Variants in ERBB4 observed in about 807,000 individuals in gnomAD.
The protein encoded by ERBB4 is receptor tyrosine-protein kinase erbB-4.
In ERBB4, 42 loss-of-function variants were observed where a neutral mutation model predicts 158.0. The ratio of observed to expected loss-of-function variants is 0.27; its 90% CI spans 0.21 to 0.34. The LOEUF is 0.34. Among genes scored for constraint, ERBB4 ranks in the 10% least tolerant of loss-of-function variants. The pLI, the probability that ERBB4 is intolerant of heterozygous loss-of-function variation, is 1.00. For synonymous variants in ERBB4, 583 were observed against 558.7 expected (o/e 1.04, Z -0.61); for missense variants, 1,333 against 1,624.1 (o/e 0.82, Z 3.08).
chr2:212,447,226 T>C (rs534137885), intron 1 of ERBB4, among the ~76,000 whole-genome samples: 56 of 152,172 alleles, frequency 3.7e-4, no homozygotes, highest in African/African-American at 1.2e-3. Context: ...ATCGATCTCC[T>C]GACCTTGTGA....
At chr2:211,684,541 T>C (rs2072486215) in intron 12 of ERBB4, among the ~76,000 whole-genome samples, 2 of 152,188 alleles carry the variant, frequency 1.3e-5, no homozygotes, top group Admixed American at 6.5e-5. Flanking sequence ...TTAATGTAGC[T>C]TTCTATTGGA....
intron 1 of ERBB4, among the ~76,000 whole-genome samples, chr2:212,478,915 T>C (rs1435188785): frequency 6.6e-6 from 1 of 152,172 alleles, no homozygotes; most frequent in Non-Finnish European, 1.5e-5. Flanking sequence ...TCTTCAGCTC[T>C]GGCTTTGGGT....
chr2:211,857,068 G>C (rs561891816), intron 3 of ERBB4, among the ~76,000 whole-genome samples: 15 of 151,972 alleles, frequency 9.9e-5, no homozygotes, highest in African/African-American at 3.6e-4. Flanking sequence ...AAAATATTCT[G>C]GCATATGGTT....
intron 1 of ERBB4, among the ~76,000 whole-genome samples, chr2:212,236,243 G>C (rs2083869074): frequency 6.6e-6 from 1 of 152,152 alleles, no homozygotes; most frequent in Admixed American, 6.5e-5. Context: ...TTTGTCATTG[G>C]TTTTGTTTAT....
intron 1 of ERBB4, among the ~76,000 whole-genome samples, chr2:212,191,667 A>C (rs1408538629): frequency 2.0e-5 from 3 of 149,420 alleles, no homozygotes; most frequent in Non-Finnish European, 4.5e-5. Context: ...TATACATGTC[A>C]TATATCGCGT....
At chr2:211,562,800 C>CT (rs2067436901) in intron 19 of ERBB4, among the ~76,000 whole-genome samples, 1 of 111,074 alleles carries the variant, frequency 9.0e-6, no homozygotes, top group Non-Finnish European at 1.8e-5. Flanking sequence ...GAGACGGAGT[C>CT]TCGCTCTGTC....
chr2:212,188,854 C>A (rs2082106451), intron 1 of ERBB4, among the ~76,000 whole-genome samples: 1 of 152,058 alleles, frequency 6.6e-6, no homozygotes, highest in Admixed American at 6.6e-5. Flanking sequence ...TACATGAGAA[C>A]ATGAGAATAG....
intron 4 of ERBB4, among the ~76,000 whole-genome samples, chr2:211,782,356 A>G (rs551294426): frequency 1.3e-5 from 2 of 152,316 alleles, no homozygotes; most frequent in Admixed American, 1.3e-4. Flanking sequence ...CTATTGCAGT[A>G]AGTGATTAAA....
intron 1 of ERBB4, among the ~76,000 whole-genome samples, chr2:212,274,239 T>C (rs762260951): frequency 1.3e-5 from 2 of 151,798 alleles, no homozygotes; most frequent in Non-Finnish European, 2.9e-5. Context: ...TATCAAGCAG[T>C]TCAACTTTTT....
chr2:212,528,041 A>C (rs1692548038), intron 1 of ERBB4, among the ~76,000 whole-genome samples: 1 of 151,956 alleles, frequency 6.6e-6, no homozygotes, highest in Admixed American at 6.6e-5. Context: ...TCTCAAGATA[A>C]GGCTTAAATG....
chr2:212,382,071 G>T (rs1401064126), intron 1 of ERBB4, among the ~76,000 whole-genome samples: 1 of 150,464 alleles, frequency 6.6e-6, no homozygotes, highest in African/African-American at 2.4e-5. Context: ...TACTAAATCA[G>T]ATTCTGCATT....
Position 211,702,020 on chromosome 2 carries a change from C to T in ERBB4, c.1436G>A (p.Ser479Asn), listed in dbSNP as rs1168543522. The change falls in exon 12 of 28, where the codon AGC becomes AAC. Residue 479 changes from serine (S) to asparagine (N), a missense_variant. By Grantham distance (46) the Ser-to-Asn change is conservative. This residue lies in a region of ERBB4 where 245 missense variants were observed against 247.5 expected (regional missense o/e 0.99). Coordinates refer to ENST00000342788, the MANE Select transcript of ERBB4 (RefSeq NM_005235.3). ...GATTACTATTCTCTGGTTGATTGTG[C>T]TGAAGAGTGTTGTCCAGTTAATGGT... Reference protein sequence around the residue: ...YHTINWTTLFSTINQRIVIRD... With the variant: ...YHTINWTTLFNTINQRIVIRD... 1 of 1,613,948 alleles carries T rather than the reference C, an allele frequency of 6.2e-7. No individual in the cohort carries two copies. Among genetic ancestry groups the T allele is most frequent in the Non-Finnish European group, 8.5e-7 (1 of 1,179,914 alleles).
intron 19 of ERBB4, among the ~76,000 whole-genome samples, chr2:211,576,581 T>C (rs1036474904): frequency 6.6e-6 from 1 of 152,180 alleles, no homozygotes; most frequent in East Asian, 1.9e-4. Context: ...CCATCTTTCA[T>C]TCATTAATTT....
chr2:211,688,699 A>C (rs1413173234), intron 12 of ERBB4, among the ~76,000 whole-genome samples: 2 of 152,192 alleles, frequency 1.3e-5, no homozygotes, highest in East Asian at 3.8e-4. Context: ...TTTTTCACAT[A>C]AAATTTCTCC....
chr2:211,899,278 A>G (rs2125026802), intron 3 of ERBB4, among the ~76,000 whole-genome samples: 1 of 152,260 alleles, frequency 6.6e-6, no homozygotes, highest in East Asian at 1.9e-4. Flanking sequence ...TATAGAATTC[A>G]TGGTTTAAAA....
intron 14 of ERBB4, among the ~76,000 whole-genome samples, chr2:211,666,058 AT>A (rs1342080000): frequency 2.0e-5 from 3 of 152,176 alleles, no homozygotes; most frequent in Non-Finnish European, 2.9e-5. Flanking sequence ...CAATGACTTT[AT>A]TTATAAAATG....
intron 19 of ERBB4, among the ~76,000 whole-genome samples, chr2:211,609,266 C>T (rs1279996848): frequency 6.6e-6 from 1 of 152,110 alleles, no homozygotes; most frequent in African/African-American, 2.4e-5. Flanking sequence ...AAAGAATGAT[C>T]TGACCTACCT....
intron 2 of ERBB4, among the ~76,000 whole-genome samples, chr2:212,010,475 A>T (rs1328670664): frequency 6.6e-6 from 1 of 152,170 alleles, no homozygotes; most frequent in East Asian, 1.9e-4. Flanking sequence ...AAGTACAAAG[A>T]TCACATGCTT....
chr2:211,712,217 AT>A (rs563297803), intron 8 of ERBB4, 41 bp from the exon 9 acceptor site: 1 of 1,607,858 alleles, frequency 6.2e-7, no homozygotes, highest in South Asian at 1.1e-5. Flanking sequence ...TGAGAAACTT[AT>A]TTTTGGCCAA....
Sources: gnomAD v4.1 joint callset for allele counts (sites outside exome capture counted in the v4.1 genomes callset) on GRCh38, gnomAD v4.1.1 for gene constraint, gnomAD v4.1.1 regional missense constraint, MANE v1.5 for transcripts, NCBI Gene and HGNC (gene_info 2026-07-23, HGNC 2026-07-21) for gene names.